Variants in RBFOX1 observed in about 807,000 individuals in gnomAD.
RBFOX1 encodes the protein RNA binding protein fox-1 homolog 1.
RBFOX1 carries 8 observed loss-of-function variants against 57.7 expected under a neutral mutation model. The ratio of observed to expected loss-of-function variants is 0.14; its 90% CI spans 0.08 to 0.25. The LOEUF (loss-of-function observed/expected upper bound fraction) is 0.25. RBFOX1 is among the 10% of genes least tolerant of loss of function. RBFOX1 has a pLI of 1.00. For synonymous variants in RBFOX1, 326 were observed against 222.4 expected (o/e 1.47, Z -4.15); for missense variants, 611 against 548.5 (o/e 1.11, Z -1.14).
chr16:5,514,594 C>T (rs1438778871), intron 2 of RBFOX1, among the ~76,000 whole-genome samples: 1 of 152,138 alleles, frequency 6.6e-6, no homozygotes, highest in Non-Finnish European at 1.5e-5. Flanking sequence ...GTCAGCCTGC[C>T]ACAGTCAGGC....
At chr16:7,365,538 C>T (rs556801555) in intron 4 of RBFOX1, among the ~76,000 whole-genome samples, 1 of 152,260 alleles carries the variant, frequency 6.6e-6, no homozygotes, top group African/African-American at 2.4e-5. Flanking sequence ...TTTTGGTTGT[C>T]TCAATTGTGT....
Position 6,832,994 on chromosome 16 carries a change from C to A in RBFOX1, c.-16+178344C>A, listed in dbSNP as rs981178532. Among the ~76,000 whole-genome samples the A allele has an allele frequency of 5.5e-4, 84 of 152,254 alleles. 2 individuals are homozygous for A. The highest frequency in any genetic ancestry group is 7.4e-4 in the Non-Finnish European group (50 of 68,010). On this transcript the variant is annotated intron_variant, in intron 3 of 15. Transcript: ENST00000550418. ...ATATGTAACTCCTGCTCCTCATTTA[C>A]CACTAATGTTCTAACTCAGCACTAG... is the stretch of plus-strand genomic sequence containing the variant.
chr16:6,784,495 T>C (rs1279916648), intron 3 of RBFOX1, among the ~76,000 whole-genome samples: 1 of 152,190 alleles, frequency 6.6e-6, no homozygotes, highest in Non-Finnish European at 1.5e-5. Context: ...TAGATTTATC[T>C]GATAGAATTC....
At chr16:6,101,414 G>C (rs572594049) in intron 1 of RBFOX1, among the ~76,000 whole-genome samples, 1 of 152,126 alleles carries the variant, frequency 6.6e-6, no homozygotes, top group Admixed American at 6.5e-5. Context: ...TCACAAGGCA[G>C]CCTGGAAAGA....
intron 3 of RBFOX1, among the ~76,000 whole-genome samples, chr16:6,920,082 A>C (rs1350304789): frequency 6.6e-6 from 1 of 151,644 alleles, no homozygotes; most frequent in Admixed American, 6.6e-5. Context: ...ATGGCATCCA[A>C]CTCCATCCAA....
At chr16:7,228,679 G>A (rs1428443782) in intron 4 of RBFOX1, among the ~76,000 whole-genome samples, 1 of 152,142 alleles carries the variant, frequency 6.6e-6, no homozygotes, top group African/African-American at 2.4e-5. Flanking sequence ...TGTGCCTCTC[G>A]CTTTATTCAG....
chr16:5,554,567 A>G (rs2045596856), intron 2 of RBFOX1, among the ~76,000 whole-genome samples: 1 of 152,170 alleles, frequency 6.6e-6, no homozygotes, highest in South Asian at 2.1e-4. Context: ...GTATATTTCT[A>G]TAATGAAAAT....
intron 2 of RBFOX1, chr16:6,573,819 G>A (rs562438005): frequency 6.6e-6 from 1 of 152,216 alleles, no homozygotes; most frequent in Non-Finnish European, 1.5e-5. Flanking sequence ...GCACCGTGGG[G>A]AGGCAGTGAC....
At chr16:7,364,547 T>A (rs1419998277) in intron 4 of RBFOX1, among the ~76,000 whole-genome samples, 1 of 144,738 alleles carries the variant, frequency 6.9e-6, no homozygotes, top group African/African-American at 2.6e-5. Flanking sequence ...GGGAGGATAT[T>A]GAGTAGCTCA....
chr16:7,094,633 T>G (rs1402795964), intron 4 of RBFOX1, among the ~76,000 whole-genome samples: 6 of 149,494 alleles, frequency 4.0e-5, no homozygotes, highest in Admixed American at 4.0e-4. Flanking sequence ...TTGAAGTTTT[T>G]TTTTTTTTTT....
chr16:7,567,079 G>C (rs1267656730), intron 5 of RBFOX1, among the ~76,000 whole-genome samples: 1 of 144,984 alleles, frequency 6.9e-6, no homozygotes, highest in African/African-American at 2.5e-5. Flanking sequence ...AATTAAAGCT[G>C]GATATATATA....
At chr16:5,381,955 C>T (rs530526527) in intron 1 of RBFOX1, among the ~76,000 whole-genome samples, 42 of 152,288 alleles carry the variant, frequency 2.8e-4, no homozygotes, top group African/African-American at 7.9e-4. Flanking sequence ...CTTGTGGGAG[C>T]TTTTGTGGCA....
At chr16:6,880,568 G>A (rs2062733338) in intron 3 of RBFOX1, among the ~76,000 whole-genome samples, 1 of 152,114 alleles carries the variant, frequency 6.6e-6, no homozygotes, top group African/African-American at 2.4e-5. Flanking sequence ...ACTCGGAGAA[G>A]GCCAGAATCT....
At chr16:6,954,764 T>G (rs2081418217) in intron 3 of RBFOX1, among the ~76,000 whole-genome samples, 1 of 152,080 alleles carries the variant, frequency 6.6e-6, no homozygotes, top group African/African-American at 2.4e-5. Context: ...GGATCTTAAA[T>G]CATCACCTGA....
rs549414318 is a variant in RBFOX1 at position 6,930,718 on chromosome 16, C to T, written c.-15-121339C>T. On this transcript the variant is annotated intron_variant, in intron 3 of 15. Transcript: ENST00000550418. The stretch of plus-strand genomic sequence containing the variant: ...AGCCCCTGTGCCTGGCCTAATTCCC[C>T]GTTTTTAAAATGGGTTTAACATCTT... Among the ~76,000 whole-genome samples the T allele has an allele frequency of 2.6e-5, 4 of 152,214 alleles. 1 individual carries two copies. In the South Asian group the frequency reaches 6.2e-4, roughly 24 times the overall value.
At chr16:5,370,994 C>G (rs535083000) in intron 1 of RBFOX1, among the ~76,000 whole-genome samples, 88 of 152,356 alleles carry the variant, frequency 5.8e-4, no homozygotes, top group Non-Finnish European at 9.8e-4. Context: ...TTTCGCCAGG[C>G]TGGAGTGCAG....
intron 4 of RBFOX1, among the ~76,000 whole-genome samples, chr16:5,985,277 T>C (rs575973944): frequency 1.2e-3 from 184 of 151,546 alleles, no homozygotes; most frequent in East Asian, 4.5e-3. Flanking sequence ...CAGGCATGAG[T>C]CATCATGTCC....
intron 3 of RBFOX1, among the ~76,000 whole-genome samples, chr16:5,860,778 A>G (rs1444507298): frequency 6.6e-6 from 1 of 152,176 alleles, no homozygotes. Flanking sequence ...TCTCCACAAC[A>G]TCATGAAAAA....
chr16:7,231,348 C>T (rs1359498139), intron 4 of RBFOX1, among the ~76,000 whole-genome samples: 1 of 152,134 alleles, frequency 6.6e-6, no homozygotes, highest in Non-Finnish European at 1.5e-5. Flanking sequence ...GTTCACGTGA[C>T]TAAACTGGAG....
Sources: allele counts gnomAD v4.1 joint callset (sites outside exome capture counted in the v4.1 genomes callset), GRCh38; gene constraint gnomAD v4.1.1; transcripts MANE v1.5; gene names NCBI Gene and HGNC (gene_info 2026-07-23, HGNC 2026-07-21).